MED27: variants seen among roughly 807,000 people sequenced by gnomAD.
MED27 encodes mediator complex subunit 27.
A neutral mutation model predicts 38.2 loss-of-function variants in MED27; 30 were observed. That is an observed-to-expected ratio of 0.79 (90% confidence interval 0.59 to 1.07). The LOEUF (loss-of-function observed/expected upper bound fraction) is 1.07, where lower values mean the gene tolerates loss of function less well. MED27 is among the 50% of genes least tolerant of loss of function. The pLI is 0.00. For missense variants in MED27, 289 were observed against 397.5 expected (o/e 0.73, Z 2.32); for synonymous variants, 122 against 153.5 (o/e 0.79, Z 1.52).
chr9:131,922,030 G>T (rs553174492), intron 4 of MED27, among the ~76,000 whole-genome samples: 1 of 138,486 alleles, frequency 7.2e-6, no homozygotes, highest in Non-Finnish European at 1.6e-5. Flanking sequence ...TCATGGGGAG[G>T]GGGGAGGGGG....
intron 2 of MED27, among the ~76,000 whole-genome samples, chr9:132,032,584 T>G (rs1832987915): frequency 1.3e-5 from 2 of 152,242 alleles, no homozygotes; most frequent in African/African-American, 4.8e-5. Context: ...AAGACACATT[T>G]TCATTTGCAC....
chr9:131,945,667 G>T (rs1564293750), intron 3 of MED27, among the ~76,000 whole-genome samples: 1 of 151,864 alleles, frequency 6.6e-6, no homozygotes, highest in Non-Finnish European at 1.5e-5. Context: ...ATTCCACATA[G>T]AAGTGAGATC....
At chr9:131,971,266 G>C in intron 3 of MED27, among the ~76,000 whole-genome samples, 1 of 152,330 alleles carries the variant, frequency 6.6e-6, no homozygotes, top group Non-Finnish European at 1.5e-5. Context: ...ACTGTGAAGA[G>C]AGCACAGCTG....
intron 6 of MED27, among the ~76,000 whole-genome samples, chr9:131,864,511 TAAAAAACCC>T (rs1838704178): frequency 2.6e-5 from 4 of 152,058 alleles, no homozygotes; most frequent in Admixed American, 2.6e-4. Context: ...ACACCTAAAA[TAAAAAACCC>T]AAAAAACTCC....
At chr9:131,898,411 C>T (rs566120178) in intron 4 of MED27, among the ~76,000 whole-genome samples, 26 of 152,150 alleles carry the variant, frequency 1.7e-4, no homozygotes, top group African/African-American at 5.3e-4. Context: ...GACAGGGTTT[C>T]GCCATGTTGA....
chr9:131,969,943 C>T (rs1373305163), intron 3 of MED27, among the ~76,000 whole-genome samples: 2 of 152,134 alleles, frequency 1.3e-5, no homozygotes, highest in Non-Finnish European at 2.9e-5. Flanking sequence ...CACCCAGCAT[C>T]AGCAGCCATG....
rs1452781256 is a variant in MED27, at chr9:132,003,648, T to C, written c.479+10689A>G. 2.0e-5 allele frequency among the ~76,000 whole-genome samples: 3 copies of C among 152,208 alleles called. No homozygotes were observed. Among genetic ancestry groups the C allele is most frequent in the Non-Finnish European group, 2.9e-5 (2 of 68,040 alleles). The stretch of plus-strand genomic sequence containing the variant: ...GGCACAACATATCCACTCTGAGACT[T>C]CTACCCTCCCTGTGCTCATGAACAG... On this transcript the variant is annotated intron_variant, in intron 3 of 7. Coordinates refer to ENST00000292035, the MANE Select transcript of MED27 (RefSeq NM_004269.4). This position sits in a 1 kb window ranked among gnomAD's most constrained non-coding sequence, Gnocchi z 4.2.
At chr9:131,903,275 A>G (rs1405268141) in intron 4 of MED27, among the ~76,000 whole-genome samples, 2 of 152,274 alleles carry the variant, frequency 1.3e-5, no homozygotes, top group East Asian at 3.9e-4. Flanking sequence ...TGCAGAGAAC[A>G]CCCATTTTTA....
chr9:131,955,618 C>G (rs1381804097), intron 3 of MED27, among the ~76,000 whole-genome samples: 1 of 152,146 alleles, frequency 6.6e-6, no homozygotes, highest in East Asian at 1.9e-4. Flanking sequence ...TACTATGAAC[C>G]AATCTCTTCG....
At chr9:131,996,121 CCTGGTCTAGGGA>C (rs1443635865) in intron 3 of MED27, among the ~76,000 whole-genome samples, 3 of 152,192 alleles carry the variant, frequency 2.0e-5, no homozygotes, top group Admixed American at 2.0e-4. Context: ...ACTTTGGGCT[CCTGGTCTAGGGA>C]CCAGTAGTCA....
Position 131,966,054 on chromosome 9 carries a change from G to A in MED27, c.480-26580C>T, listed in dbSNP as rs78881812. 6.6e-3 allele frequency among the ~76,000 whole-genome samples: 993 copies of A among 149,758 alleles called. 6 individuals carry two copies. The highest frequency in any genetic ancestry group is 0.012 in the Non-Finnish European group (818 of 67,588). On this transcript the variant is annotated intron_variant, in intron 3 of 7. Transcript: ENST00000292035. ...GGACTTCCACCTTGCAGTATGGTCTGACGCCTAAGAATAAAGACTGCATTT... is the reference window on the plus strand; with the variant it reads ...GGACTTCCACCTTGCAGTATGGTCTAACGCCTAAGAATAAAGACTGCATTT...
intron 4 of MED27, among the ~76,000 whole-genome samples, chr9:131,925,442 T>C (rs944512878): frequency 1.3e-5 from 2 of 152,142 alleles, no homozygotes; most frequent in African/African-American, 4.8e-5. Context: ...CTGTTTATAA[T>C]AGAAAAACAG....
chr9:131,901,026 G>C (rs1050192995), intron 4 of MED27, among the ~76,000 whole-genome samples: 12 of 143,430 alleles, frequency 8.4e-5, no homozygotes, highest in African/African-American at 2.9e-4. Context: ...ACAAGGAGAG[G>C]GGGGAGAGAA....
rs1179128372 is a variant in MED27 at position 131,872,111 on chromosome 9, C to T, written c.724-8971G>A. Among the ~76,000 whole-genome samples the T allele has an allele frequency of 2.6e-5, 4 of 151,694 alleles. No individual in the cohort carries two copies. Among genetic ancestry groups the T allele is most frequent in the African/African-American group, 9.8e-5 (4 of 40,968 alleles). On this transcript the variant is annotated intron_variant, in intron 6 of 7. Coordinates refer to ENST00000292035, the MANE Select transcript of MED27 (RefSeq NM_004269.4). The surrounding 1 kb of genome is among the most constrained non-coding windows in gnomAD (Gnocchi z 5.6). ...CTGGAGGCTGACTGCTGGGAACCGC[C>T]TTCCAGCTCCTGGCTGGTGGACCAG...
intron 4 of MED27, among the ~76,000 whole-genome samples, chr9:131,907,392 A>AT (rs1165191637): frequency 6.6e-6 from 1 of 151,902 alleles, no homozygotes; most frequent in Non-Finnish European, 1.5e-5. Context: ...TGGTTTTCGT[A>AT]TTTTTTTGGT....
chr9:131,989,667 C>T (rs907843303), intron 3 of MED27, among the ~76,000 whole-genome samples: 3 of 151,906 alleles, frequency 2.0e-5, no homozygotes, highest in Non-Finnish European at 1.5e-5. Context: ...TGGAAATGTT[C>T]GAACATACCC....
rs1389410195 is a variant in MED27, at chr9:131,909,243, T to C, written c.574-15251A>G. On this transcript the variant is annotated intron_variant, in intron 4 of 7. Coordinates refer to ENST00000292035, the MANE Select transcript of MED27 (RefSeq NM_004269.4). ...TCCTTTTCACCAAGTTTAGGATACT[T>C]TTGAAATATGTAAGTGAAGAGATGT... Among the ~76,000 whole-genome samples the C allele has an allele frequency of 2.0e-5, 3 of 152,158 alleles. No individual in the cohort carries two copies. In the East Asian group the frequency reaches 5.8e-4, roughly 29 times the overall value.
rs954337444 is a variant in MED27, at chr9:131,862,301, CCAG to C, written c.801+759_801+761del. Among the ~76,000 whole-genome samples, 128 of 152,236 alleles carry C rather than the reference CCAG, an allele frequency of 8.4e-4. No homozygotes were observed. The highest frequency in any genetic ancestry group is 3.0e-3 in the African/African-American group (123 of 41,530). On this transcript the variant is annotated intron_variant, in intron 7 of 7. Coordinates refer to ENST00000292035, the MANE Select transcript of MED27 (RefSeq NM_004269.4). The surrounding 1 kb of genome is among the most constrained non-coding windows in gnomAD (Gnocchi z 4.6). ...TCTAGCATGAAGAAAACAGGGAGTC[CCAG>C]CAGCGGTGGATGATGGGGTCTGCTG... is the stretch of plus-strand genomic sequence containing the variant.
chr9:131,938,734 A>T (rs9411422), intron 4 of MED27, among the ~76,000 whole-genome samples: 10 of 150,628 alleles, frequency 6.6e-5, no homozygotes, highest in East Asian at 2.0e-4. Flanking sequence ...TTTTTTGAGA[A>T]GGAGTCTTGC....
Sources: allele counts gnomAD v4.1 joint callset (sites outside exome capture counted in the v4.1 genomes callset), GRCh38; gene constraint gnomAD v4.1.1; non-coding constraint Gnocchi (gnomAD v3.1); transcripts MANE v1.5; gene names NCBI Gene and HGNC (gene_info 2026-07-23, HGNC 2026-07-21).